The following RTL9 variants were observed in gnomAD, a reference collection of about 807,000 sequenced individuals.
RTL9 encodes the protein retrotransposon Gag like 9.
In RTL9, 19 loss-of-function variants were observed where a neutral mutation model predicts 44.7. That is an observed-to-expected ratio of 0.42 (90% CI 0.30 to 0.62). The LOEUF (loss-of-function observed/expected upper bound fraction) is 0.62, where lower values mean the gene tolerates loss of function less well. RTL9 is among the 20% of genes least tolerant of loss of function. The pLI is 0.16. For missense variants in RTL9, 1,105 were observed against 1,080.6 expected (o/e 1.02, Z -0.32); for synonymous variants, 407 against 398.9 (o/e 1.02, Z -0.24).
intron 1 of RTL9, among the ~76,000 whole-genome samples, chrX:110,396,422 A>G (rs1235728153): frequency 3.7e-5 from 4 of 109,519 alleles, no homozygotes; most frequent in Non-Finnish European, 7.6e-5. Flanking sequence ...TTTATATACA[A>G]TGACGAAATT....
At chrX:110,415,250 A>G (rs2148314067), upstream of RTL9, among the ~76,000 whole-genome samples, 1 of 112,355 alleles carries the variant, frequency 8.9e-6, no homozygotes, top group East Asian at 2.8e-4. Flanking sequence ...AAAAGCTCTC[A>G]CTTGGAAAGT....
At chrX:110,408,132 A>G (rs1286415648) in intron 1 of RTL9, among the ~76,000 whole-genome samples, 2 of 112,823 alleles carry the variant, frequency 1.8e-5, no homozygotes, top group Non-Finnish European at 3.7e-5. Context: ...CTTTGGTGAA[A>G]GCAGAAGTCC....
At chrX:110,415,407 GGT>G (rs1479724478), upstream of RTL9, among the ~76,000 whole-genome samples, 1 of 112,080 alleles carries the variant, frequency 8.9e-6, no homozygotes, top group African/African-American at 3.2e-5. Flanking sequence ...GTGTTAGAGT[GGT>G]GAGTGATGGA....
chrX:110,408,451 G>A (rs753331731), intron 1 of RTL9, among the ~76,000 whole-genome samples: 29 of 112,571 alleles, frequency 2.6e-4, no homozygotes, highest in Non-Finnish European at 3.8e-4. Flanking sequence ...CTAGCATCCC[G>A]AATAATTTTT....
intron 1 of RTL9, among the ~76,000 whole-genome samples, chrX:110,385,766 CACCCAG>C (rs750132317): frequency 2.7e-5 from 3 of 110,787 alleles, no homozygotes; most frequent in Non-Finnish European, 5.7e-5. Context: ...CTGATCCCAT[CACCCAG>C]ACAGTGAGCA....
chrX:110,418,911 TAC>T (rs1026002568), upstream of RTL9: 1 of 107,218 alleles, frequency 9.3e-6, no homozygotes, highest in African/African-American at 3.4e-5. Flanking sequence ...CCCCGCCCTT[TAC>T]ACACACAGGC....
intron 1 of RTL9, among the ~76,000 whole-genome samples, chrX:110,424,831 G>A (rs1351863876): frequency 1.8e-5 from 2 of 111,992 alleles, no homozygotes; most frequent in Non-Finnish European, 3.8e-5. Flanking sequence ...GTGTTGTCCC[G>A]TTAATCTCTC....
chrX:110,402,284 T>G (rs1434843080), intron 1 of RTL9, among the ~76,000 whole-genome samples: 5 of 113,077 alleles, frequency 4.4e-5, no homozygotes, highest in Non-Finnish European at 9.4e-5. Context: ...AAATATTTGT[T>G]TTTTGCCTAT....
intron 1 of RTL9, among the ~76,000 whole-genome samples, chrX:110,378,371 A>G (rs1043822011): frequency 6.3e-5 from 7 of 111,171 alleles, no homozygotes; most frequent in Non-Finnish European, 9.4e-5. Context: ...ATAGCCTCCT[A>G]AGCAGCCACT....
intron 1 of RTL9, among the ~76,000 whole-genome samples, chrX:110,386,676 A>G (rs896947855): frequency 1.8e-5 from 2 of 111,804 alleles, no homozygotes; most frequent in Non-Finnish European, 3.8e-5. Flanking sequence ...AGAAATTTGT[A>G]AGTTCGCATA....
intron 1 of RTL9, among the ~76,000 whole-genome samples, chrX:110,435,144 G>A (rs1288059085): frequency 1.0e-5 from 1 of 97,007 alleles, no homozygotes; most frequent in African/African-American, 3.8e-5. Context: ...GAAGAAGGAG[G>A]GAGTGAGGGA....
At chrX:110,381,555 A>G (rs1019223172) in intron 1 of RTL9, among the ~76,000 whole-genome samples, 9 of 112,154 alleles carry the variant, frequency 8.0e-5, no homozygotes, top group Non-Finnish European at 1.5e-4. Flanking sequence ...CATTTGATCC[A>G]GCAGTCCTCT....
At chrX:110,450,497 G>A (rs755635531), upstream of RTL9, 280 of 599,287 alleles carry the variant, frequency 4.7e-4, no homozygotes, top group Non-Finnish European at 6.6e-4. Context: ...TCTCCACCAT[G>A]AACAATTTGT....
At chrX:110,410,243 T>G (rs1291956378) in intron 1 of RTL9, among the ~76,000 whole-genome samples, 1 of 111,396 alleles carries the variant, frequency 9.0e-6, no homozygotes, top group Non-Finnish European at 1.9e-5. Flanking sequence ...ATTATTAGTG[T>G]GGGAAGAAGG....
intron 1 of RTL9, among the ~76,000 whole-genome samples, chrX:110,397,819 G>T (rs1189921927): frequency 9.0e-6 from 1 of 111,548 alleles, no homozygotes; most frequent in Non-Finnish European, 1.9e-5. Flanking sequence ...GGGCAAACAG[G>T]CCTGGGGACA....
At chrX:110,366,644 A>G (rs1313134108) in intron 1 of RTL9, among the ~76,000 whole-genome samples, 6 of 111,523 alleles carry the variant, frequency 5.4e-5, no homozygotes, top group Non-Finnish European at 7.5e-5. Context: ...ACTGTTTAGC[A>G]TACACCCTAG....
At chrX:110,369,862 C>G in intron 1 of RTL9, among the ~76,000 whole-genome samples, 1 of 111,572 alleles carries the variant, frequency 9.0e-6, no homozygotes, top group East Asian at 2.8e-4. Context: ...TCCAGAGATT[C>G]TTAGTCTGGA....
intron 1 of RTL9, chrX:110,426,519 T>C (rs1313837191): frequency 8.9e-6 from 1 of 112,246 alleles, no homozygotes; most frequent in African/African-American, 3.2e-5. Flanking sequence ...TTAAGCTGCA[T>C]TTGCTTTGTT....
At chrX:110,423,879 T>C (rs969806480) in intron 1 of RTL9, among the ~76,000 whole-genome samples, 2 of 112,451 alleles carry the variant, frequency 1.8e-5, no homozygotes, top group Non-Finnish European at 3.8e-5. Context: ...ACAGTTCTTA[T>C]TTGGAATTGT....
Sources: gnomAD v4.1 joint callset for allele counts (sites outside exome capture counted in the v4.1 genomes callset) on GRCh38, gnomAD v4.1.1 for gene constraint, MANE v1.5 for transcripts, NCBI Gene and HGNC (gene_info 2026-07-23, HGNC 2026-07-21) for gene names.